Variants in MRC1 observed in about 807,000 individuals in gnomAD.
MRC1 encodes the protein macrophage mannose receptor 1.
MRC1 carries 62 observed loss-of-function variants against 102.9 expected under a neutral mutation model. The observed-to-expected ratio is 0.60, with a 90% CI of 0.49 to 0.74. The LOEUF is 0.74. Ranked by LOEUF, MRC1 falls within the 30% of genes least tolerant of loss-of-function variation. The probability of loss-of-function intolerance (pLI) is 0.00; values close to 1 mark genes in which losing one functional copy is unlikely to be tolerated. For synonymous variants in MRC1, 457 were observed against 298.4 expected (o/e 1.53, Z -5.48); for missense variants, 1,237 against 862.8 (o/e 1.43, Z -5.43).
rs1838939518 is a variant in MRC1 at position 17,853,005 on chromosome 10, A to G, written c.1288A>G (p.Lys430Glu). 1.3e-6 allele frequency: 1 copy of G among 780,716 alleles called. No individual in the cohort carries two copies. The highest frequency in any genetic ancestry group is 1.7e-5 in the Admixed American group (1 of 59,014). 48.4% of individuals were successfully genotyped at this position (780,716 alleles called of 1,614,324 possible). Reference protein sequence around the residue: ...DELWIGLNDIKIQMYFEWSDG... With the variant: ...DELWIGLNDIEIQMYFEWSDG... ...ATTGTGGATCGGCTTAAATGACATT[A>G]AGATTCAAATGTACTTTGAGTGGAG... The change falls in exon 8 of 30, where the codon AAG becomes GAG. Residue 430 changes from lysine to glutamate, a missense_variant. Transcript: ENST00000569591.
At chr10:17,825,107 C>T (rs1238921167) in intron 2 of MRC1, among the ~76,000 whole-genome samples, 1 of 152,022 alleles carries the variant, frequency 6.6e-6, no homozygotes, top group Non-Finnish European at 1.5e-5. Flanking sequence ...TTAAGATGAT[C>T]CTGCTCCTCA....
chr10:17,844,934 A>G (rs1474800551), intron 5 of MRC1, among the ~76,000 whole-genome samples: 4 of 152,264 alleles, frequency 2.6e-5, no homozygotes, highest in East Asian at 1.9e-4. Context: ...TGGCGGCATA[A>G]TCATGCATTC....
chr10:17,817,186 G>A (rs985290087), intron 1 of MRC1, among the ~76,000 whole-genome samples: 23 of 150,186 alleles, frequency 1.5e-4, no homozygotes, highest in Admixed American at 8.0e-4. Flanking sequence ...GGAGGCGGAG[G>A]TTGCAACGTG....
At chr10:17,861,341 A>G in intron 9 of MRC1, 46 bp from the exon 10 acceptor site, 1 of 808,984 alleles carries the variant, frequency 1.2e-6, no homozygotes, top group Non-Finnish European at 2.2e-6. Context: ...TATAATATAT[A>G]TGCATGAACT....
chr10:17,839,904 C>CA (rs1284572664), intron 4 of MRC1, among the ~76,000 whole-genome samples: 11,166 of 139,774 alleles, frequency 0.08, 503 homozygotes, highest in African/African-American at 0.13. Context: ...CCTAAAAATA[C>CA]AAAAAAAAAA....
chr10:17,858,184 A>G (rs1030994918), intron 9 of MRC1, among the ~76,000 whole-genome samples: 15 of 152,346 alleles, frequency 9.8e-5, no homozygotes, highest in Non-Finnish European at 1.9e-4. Flanking sequence ...ATAATAGTTT[A>G]GCTAGGTCAG....
At chr10:17,902,426 T>C (rs1480077168) in intron 26 of MRC1, among the ~76,000 whole-genome samples, 1 of 125,594 alleles carries the variant, frequency 8.0e-6, no homozygotes, top group African/African-American at 3.2e-5. Context: ...TGTACTCACC[T>C]CTTATCACTG....
chr10:17,838,791 C>T (rs1458888629), intron 4 of MRC1, among the ~76,000 whole-genome samples: 1 of 152,054 alleles, frequency 6.6e-6, no homozygotes, highest in Admixed American at 6.6e-5. Context: ...CTGGGCACTA[C>T]AGTAAGACCC....
chr10:17,812,567 CTTTT>C (rs879229292), intron 1 of MRC1, among the ~76,000 whole-genome samples: 12 of 79,892 alleles, frequency 1.5e-4, no homozygotes, highest in Admixed American at 4.2e-4. Context: ...CAACAGTAGG[CTTTT>C]TTTTTTTTTT....
intron 25 of MRC1, 90 bp downstream of exon 25, chr10:17,901,043 G>A (rs1424741864): frequency 1.4e-6 from 1 of 716,068 alleles, no homozygotes. Context: ...ACAGTAATGT[G>A]TCTTGGATAG....
chr10:17,872,708 C>T (rs1055208231), intron 15 of MRC1, among the ~76,000 whole-genome samples: 5 of 152,242 alleles, frequency 3.3e-5, no homozygotes, highest in African/African-American at 9.6e-5. Flanking sequence ...TCAAACAATA[C>T]GCATGCTGAC....
intron 14 of MRC1, 71 bp downstream of exon 14, chr10:17,871,006 T>A (rs905623836): frequency 8.6e-5 from 71 of 822,196 alleles, no homozygotes; most frequent in Non-Finnish European, 1.4e-4. Context: ...TCTTTTTTTT[T>A]AATGCAAACT....
chr10:17,844,537 G>A (rs1048430766), intron 5 of MRC1, among the ~76,000 whole-genome samples: 2,171 of 152,154 alleles, frequency 0.014, 61 homozygotes, highest in African/African-American at 0.049. Context: ...TGTTTAGTGT[G>A]GCAGGTTTGG....
Position 17,906,897 on chromosome 10 carries a change from G to C in MRC1, c.3811G>C (p.Val1271Leu). ...TTTACGCTTTCTAGGTTCCTCTCTG[G>C]TTTCCATTGAAAGTGCTGCAGAATC... is the stretch of plus-strand genomic sequence containing the variant. ...LECLRMGSSL[V>L]SIESAAESSF... The change falls in exon 27 of 30, where the codon GTT (valine) becomes CTT (leucine). Residue 1271 changes from valine to leucine, a missense_variant. Val to Leu is a conservative substitution (Grantham distance 32). Coordinates refer to ENST00000569591, the MANE Select transcript of MRC1 (RefSeq NM_002438.4). The C allele has an allele frequency of 1.3e-6, 1 of 788,630 alleles. No individual in the cohort carries two copies. The highest frequency in any genetic ancestry group is 2.4e-6 in the Non-Finnish European group (1 of 425,268). The allele number at this position is 788,630 out of a possible 1,614,324, so 48.9% of individuals were successfully genotyped here.
chr10:17,896,813 A>C (rs1251500933), intron 23 of MRC1, among the ~76,000 whole-genome samples: 1 of 152,170 alleles, frequency 6.6e-6, no homozygotes, highest in Non-Finnish European at 1.5e-5. Context: ...AAAAGTTGGC[A>C]CTTCTGTAGT....
chr10:17,908,464 G>A lies in MRC1; in HGVS notation c.4078+766G>A, dbSNP rs1003006918. On this transcript the variant is annotated intron_variant, in intron 28 of 29. Coordinates refer to ENST00000569591, the MANE Select transcript of MRC1 (RefSeq NM_002438.4). Reference sequence around the variant, plus strand: ...TAATTTTTGTATTTTTAGTAGAGACGGGGTAGAGTTTACCATTTTAGAATT... The same window carrying A: ...TAATTTTTGTATTTTTAGTAGAGACAGGGTAGAGTTTACCATTTTAGAATT... 4.0e-5 allele frequency among the ~76,000 whole-genome samples: 6 copies of A among 151,782 alleles called. No individual in the cohort carries two copies. In the East Asian group the frequency reaches 5.8e-4, roughly 15 times the overall value.
At chr10:17,812,226 C>T (rs1838234466) in intron 1 of MRC1, among the ~76,000 whole-genome samples, 2 of 152,148 alleles carry the variant, frequency 1.3e-5, no homozygotes, top group African/African-American at 4.8e-5. Flanking sequence ...ACCTTTCCTA[C>T]TGTTGTTCTT....
At chr10:17,845,126 C>T (rs1838806492) in intron 5 of MRC1, 163 bp from the exon 6 acceptor site, 1 of 778,950 alleles carries the variant, frequency 1.3e-6, no homozygotes, top group African/African-American at 1.7e-5. Context: ...CCCATCGTGT[C>T]TTTTGCTCTG....
At position 17,841,467 on chromosome 10, in the gene MRC1, A is replaced by G. The variant is rs1247500468; in HGVS notation, c.916+661A>G. Reference sequence around the variant, plus strand: ...ATTAGAGGTTTCTCAACAGTAGTTTATAGAAAAACAGAGTTGGGGATGATA... The same window carrying G: ...ATTAGAGGTTTCTCAACAGTAGTTTGTAGAAAAACAGAGTTGGGGATGATA... On this transcript the variant is annotated intron_variant, in intron 5 of 29. Coordinates refer to ENST00000569591, the MANE Select transcript of MRC1 (RefSeq NM_002438.4). 2.0e-5 allele frequency among the ~76,000 whole-genome samples: 3 copies of G among 152,342 alleles called. No individual in the cohort carries two copies. The East Asian group carries it at 5.8e-4, about 29-fold the overall frequency.
Sources: allele counts gnomAD v4.1 joint callset (sites outside exome capture counted in the v4.1 genomes callset), GRCh38; gene constraint gnomAD v4.1.1; transcripts MANE v1.5; gene names NCBI Gene and HGNC (gene_info 2026-07-23, HGNC 2026-07-21).